The following AMPD3 variants were observed in gnomAD, a reference collection of about 807,000 sequenced individuals.
AMPD3 encodes AMP deaminase 3.
AMPD3 carries 57 observed loss-of-function variants against 82.3 expected under a neutral mutation model. The observed-to-expected ratio is 0.69, with a 90% confidence interval of 0.56 to 0.86. The LOEUF is 0.86. Ranked by LOEUF, AMPD3 falls within the 40% of genes least tolerant of loss-of-function variation. The probability of loss-of-function intolerance (pLI) is 0.00; values close to 1 mark genes in which losing one functional copy is unlikely to be tolerated. For synonymous variants in AMPD3, 381 were observed against 394.7 expected (o/e 0.97, Z 0.41); for missense variants, 870 against 1,003.8 (o/e 0.87, Z 1.80).
chr11:10,473,349 A>G (rs767266986), intron 2 of AMPD3: 20 of 974,102 alleles, frequency 2.1e-5, no homozygotes, highest in Middle Eastern at 1.1e-3. Context: ...ATTGCACTTC[A>G]TTTTCATCTC....
intron 10 of AMPD3, among the ~76,000 whole-genome samples, chr11:10,497,180 CT>C (rs1319743735): frequency 6.6e-6 from 1 of 152,094 alleles, no homozygotes; most frequent in African/African-American, 2.4e-5. Flanking sequence ...TGGGGTAGGC[CT>C]TTCCCCCAGC....
Position 10,472,950 on chromosome 11 carries a change from G to A in AMPD3, c.222-5576G>A, listed in dbSNP as rs548139603. On this transcript the variant is annotated intron_variant, in intron 2 of 14. Transcript: ENST00000396553. ...ACCTGAGAGTCAAAGGTTTCAGAAA[G>A]CCAAGATCACCCCACTGCTCTCCAG... Among the ~76,000 whole-genome samples the A allele has an allele frequency of 9.9e-5, 15 of 152,232 alleles. No homozygotes were observed. In the South Asian group the frequency reaches 2.9e-3, roughly 29 times the overall value.
At chr11:10,486,129 G>A (rs1849061473) in intron 5 of AMPD3, among the ~76,000 whole-genome samples, 1 of 152,200 alleles carries the variant, frequency 6.6e-6, no homozygotes, top group African/African-American at 2.4e-5. Flanking sequence ...TCAGCCAGGT[G>A]TGCAAGTAGT....
upstream of AMPD3, chr11:10,450,876 T>C (rs1434599248): frequency 3.3e-6 from 4 of 1,223,964 alleles, no homozygotes; most frequent in East Asian, 7.0e-5. Flanking sequence ...CTGCGCCCTC[T>C]GAACGCCCGG....
At chr11:10,458,741 T>C (rs1474260655) in intron 1 of AMPD3, among the ~76,000 whole-genome samples, 2 of 152,238 alleles carry the variant, frequency 1.3e-5, no homozygotes, top group South Asian at 2.1e-4. Flanking sequence ...TTTATGTAAA[T>C]AATGCAGGTA....
chr11:10,486,469 G>C, intron 5 of AMPD3: 1 of 793,732 alleles, frequency 1.3e-6, no homozygotes, highest in Non-Finnish European at 1.5e-6. Flanking sequence ...CCACAGCAGT[G>C]AGCACCCCCA....
intron 1 of AMPD3, among the ~76,000 whole-genome samples, chr11:10,457,820 G>A (rs1242849886): frequency 6.6e-6 from 1 of 152,186 alleles, no homozygotes; most frequent in Non-Finnish European, 1.5e-5. Context: ...ACCGGAGCCT[G>A]TGAGGTCGAG....
chr11:10,490,572 C>T (rs1165026706), intron 6 of AMPD3: 1 of 985,152 alleles, frequency 1.0e-6, no homozygotes, highest in Non-Finnish European at 1.2e-6. Context: ...AAACACTGAC[C>T]TCCAATGACC....
intron 7 of AMPD3, 58 bp from the exon 8 acceptor site, chr11:10,494,841 G>T: frequency 6.3e-7 from 1 of 1,587,658 alleles, no homozygotes; most frequent in Non-Finnish European, 8.6e-7. Flanking sequence ...GTCTAGAGAG[G>T]GGAACGTGCA....
At chr11:10,481,271 A>G in intron 3 of AMPD3, 1 of 181,314 alleles carries the variant, frequency 5.5e-6, no homozygotes, top group Non-Finnish European at 1.1e-5. Flanking sequence ...AAGCAGGCTG[A>G]GCATGCAGAA....
chr11:10,471,995 G>A (rs1003990828), intron 2 of AMPD3, among the ~76,000 whole-genome samples: 32 of 152,152 alleles, frequency 2.1e-4, no homozygotes, highest in Admixed American at 1.6e-3. Context: ...ACATGCACAC[G>A]TATGTTTATT....
intron 6 of AMPD3, among the ~76,000 whole-genome samples, chr11:10,489,534 G>C (rs900007310): frequency 6.6e-6 from 1 of 152,170 alleles, no homozygotes; most frequent in Non-Finnish European, 1.5e-5. Flanking sequence ...TGGGGTTAAT[G>C]TTTTCTCTGG....
intron 3 of AMPD3, among the ~76,000 whole-genome samples, chr11:10,479,097 G>T (rs893926868): frequency 6.6e-6 from 1 of 152,152 alleles, no homozygotes; most frequent in Non-Finnish European, 1.5e-5. Flanking sequence ...TCAAAGCCAT[G>T]GTACTGAGTG....
intron 6 of AMPD3, chr11:10,488,200 G>T (rs1849135218): frequency 1.0e-6 from 1 of 985,358 alleles, no homozygotes; most frequent in African/African-American, 1.7e-5. Context: ...TAGGAGCGAA[G>T]GTTAAATGAT....
At chr11:10,468,962 G>A (rs373972474) in intron 2 of AMPD3, among the ~76,000 whole-genome samples, 3 of 152,144 alleles carry the variant, frequency 2.0e-5, no homozygotes, top group African/African-American at 4.8e-5. Flanking sequence ...AAGACACAAC[G>A]TACCAGAATC....
At chr11:10,454,790 C>T (rs1848045859), upstream of AMPD3, among the ~76,000 whole-genome samples, 1 of 152,138 alleles carries the variant, frequency 6.6e-6, no homozygotes, top group Admixed American at 6.5e-5. Flanking sequence ...AGTCATCTGC[C>T]CCTCCTCCTT....
chr11:10,474,742 C>G (rs781336758), intron 2 of AMPD3, among the ~76,000 whole-genome samples: 1 of 152,212 alleles, frequency 6.6e-6, no homozygotes, highest in Non-Finnish European at 1.5e-5. Flanking sequence ...TCAGGCTTGG[C>G]CTGGAGCTGG....
intron 1 of AMPD3, chr11:10,461,205 A>C: frequency 8.0e-7 from 1 of 1,253,532 alleles, no homozygotes; most frequent in Non-Finnish European, 1.0e-6. Context: ...CAAAGTCAGG[A>C]GGGCAGGGCT....
chr11:10,494,269 C>G (rs763968047), intron 7 of AMPD3, among the ~76,000 whole-genome samples: 8 of 152,256 alleles, frequency 5.3e-5, no homozygotes, highest in Non-Finnish European at 7.4e-5. Flanking sequence ...TATAAGGTCC[C>G]TAGAATAGGC....
Sources: gnomAD v4.1 joint callset for allele counts (sites outside exome capture counted in the v4.1 genomes callset) on GRCh38, gnomAD v4.1.1 for gene constraint, MANE v1.5 for transcripts, NCBI Gene and HGNC (gene_info 2026-07-23, HGNC 2026-07-21) for gene names.